The following DHX8 variants were observed in gnomAD, a reference collection of about 807,000 sequenced individuals.
The protein encoded by DHX8 is ATP-dependent RNA helicase DHX8.
Under a neutral mutation model 140.7 loss-of-function variants are expected in DHX8, and 67 were observed. That is an observed-to-expected ratio of 0.48 (90% confidence interval 0.39 to 0.58). DHX8 has a LOEUF of 0.58. Ranked by LOEUF, DHX8 falls within the 20% of genes least tolerant of loss-of-function variation. The probability of loss-of-function intolerance (pLI) is 0.00; values close to 1 mark genes in which losing one functional copy is unlikely to be tolerated. For synonymous variants in DHX8, 533 were observed against 553.2 expected (o/e 0.96, Z 0.51); for missense variants, 887 against 1,550.7 (o/e 0.57, Z 7.19).
At chr17:43,521,298 C>T in intron 20 of DHX8, 71 bp from the exon 21 acceptor site, 5 of 1,319,622 alleles carry the variant, frequency 3.8e-6, no homozygotes, top group South Asian at 1.4e-5. Flanking sequence ...TTGTAGGGCT[C>T]CCTAGAATTG....
chr17:43,515,336 A>G (rs1396417881), intron 17 of DHX8, among the ~76,000 whole-genome samples: 1 of 152,130 alleles, frequency 6.6e-6, no homozygotes, highest in Non-Finnish European at 1.5e-5. Context: ...CTACAGGCGC[A>G]TGCCGCCATG....
At position 43,524,028 on chromosome 17, in the gene DHX8, T is replaced by C. The variant is rs1175896310; in HGVS notation, c.*181T>C. 4 of 1,430,502 alleles carry C rather than the reference T, an allele frequency of 2.8e-6. No individual in the cohort carries two copies. Among genetic ancestry groups the C allele is most frequent in the Non-Finnish European group, 3.6e-6 (4 of 1,096,832 alleles). The allele number at this position is 1,430,502 out of a possible 1,614,324, so 88.6% of individuals were successfully genotyped here. On this transcript the variant is annotated 3_prime_UTR_variant, in exon 23 of 23. Transcript: ENST00000262415. ...AGAAACAGGGATTTAAACCTGGCTTTGGCAAGAGCCTGCAGCCTCCATCAC... is the reference window on the plus strand; with the variant it reads ...AGAAACAGGGATTTAAACCTGGCTTCGGCAAGAGCCTGCAGCCTCCATCAC...
In DHX8 at chr17:43,506,038, G is replaced by T. The variant is rs75140627; in HGVS notation, c.1729-965G>T. 6.2e-4 allele frequency among the ~76,000 whole-genome samples: 94 copies of T among 151,652 alleles called. No individual in the cohort carries two copies. The East Asian group carries it at 0.017, about 28-fold the overall frequency. On this transcript the variant is annotated intron_variant, in intron 12 of 22. Transcript: ENST00000262415. ...GTGTATGTGTGTGTGACAGAGTCTC[G>T]CTTTGTGCAGGCTGGAGTACAGTGG... is the stretch of plus-strand genomic sequence containing the variant.
At position 43,508,003 on chromosome 17, in the gene DHX8, TTTAACAG is replaced by T; in HGVS notation, c.2305_2311del (p.Leu769AsnfsTer10). 1.9e-6 allele frequency: 3 copies of T among 1,614,090 alleles called. No individual in the cohort carries two copies. Among genetic ancestry groups the T allele is most frequent in the Non-Finnish European group, 2.5e-6 (3 of 1,180,008 alleles). ...GCCTGATTACTGTTATGCAGATTCA[TTTAACAG>T]AACCACCAGGTAAGGGGAAAAAGCA... On this transcript the variant is annotated frameshift_variant, in exon 15 of 23. Transcript: ENST00000262415. LOFTEE classifies it high-confidence loss of function.
At chr17:43,492,074 C>T (rs545296988) in intron 4 of DHX8, 109 bp from the exon 5 acceptor site, 1 of 746,222 alleles carries the variant, frequency 1.3e-6, no homozygotes, top group Non-Finnish European at 2.3e-6. Flanking sequence ...ATCTCTGCCC[C>T]TCTTCTATTT....
intron 12 of DHX8, among the ~76,000 whole-genome samples, chr17:43,506,043 G>A (rs775705120): frequency 2.0e-5 from 3 of 151,920 alleles, no homozygotes; most frequent in African/African-American, 7.2e-5. Flanking sequence ...GTCTCGCTTT[G>A]TGCAGGCTGG....
chr17:43,517,024 T>C (rs1970148881), intron 17 of DHX8, 143 bp from the exon 18 acceptor site: 2 of 872,504 alleles, frequency 2.3e-6, no homozygotes, highest in Admixed American at 6.5e-5. Context: ...TTGGTAGTCT[T>C]GGAAATGGTC....
rs760753460 is a variant in DHX8, at chr17:43,520,309, C to G, written c.2937+42C>G. On this transcript the variant is annotated intron_variant, in intron 19 of 22. Transcript: ENST00000262415. Reference sequence around the variant, plus strand: ...ACTTCCTGTGCTTTTGGGAAGATTCCCTGGTCAGCCTTTCACATCCTTCGG... The same window carrying G: ...ACTTCCTGTGCTTTTGGGAAGATTCGCTGGTCAGCCTTTCACATCCTTCGG... 7 of 1,604,254 alleles carry G rather than the reference C, an allele frequency of 4.4e-6. No individual in the cohort carries two copies. The South Asian group carries it at 5.5e-5, about 13-fold the overall frequency.
intron 12 of DHX8, among the ~76,000 whole-genome samples, chr17:43,505,098 G>A (rs564759921): frequency 9.2e-5 from 14 of 152,012 alleles, no homozygotes; most frequent in Non-Finnish European, 1.9e-4. Context: ...GCAACATAGG[G>A]AATCTTGTCT....
At chr17:43,534,106 C>T (rs555968957) in intron 2 of DHX8, 1 of 1,113,814 alleles carries the variant, frequency 9.0e-7, no homozygotes, top group Non-Finnish European at 1.2e-6. Flanking sequence ...CCTTCCCTCT[C>T]TGGGTATCAA....
At chr17:43,520,981 T>C (rs1970348466) in intron 20 of DHX8, 102 bp downstream of exon 20, 4 of 1,309,534 alleles carry the variant, frequency 3.1e-6, no homozygotes, top group African/African-American at 1.5e-5. Context: ...TTTTTTTTTT[T>C]TTTTTTTGAG....
rs751733915 is a variant in DHX8 at position 43,493,751 on chromosome 17, T to G, written c.1077T>G (p.Asn359Lys). Residue 359 changes from asparagine (N) to lysine (K), a missense_variant, in exon 8 of 23, where the codon AAT (asparagine) becomes AAG (lysine). Physicochemically the swap from Asn to Lys is moderately conservative, Grantham distance 94. This residue lies in a region of DHX8 where 98 missense variants were observed against 152.7 expected (regional missense o/e 0.64). Transcript: ENST00000262415. ...GGCGAAATCTTGTCGGGGAGACCAA[T>G]GAGGAGACCTCAATGCGGAATCCTG... ...NRRRNLVGETNEETSMRNPDR... is the reference protein window; with the variant it reads ...NRRRNLVGETKEETSMRNPDR... 1 of 1,614,218 alleles carries G rather than the reference T, an allele frequency of 6.2e-7. No individual in the cohort carries two copies. Among genetic ancestry groups the G allele is most frequent in the Non-Finnish European group, 8.5e-7 (1 of 1,180,038 alleles).
chr17:43,536,588 C>T, intron 3 of DHX8: 1 of 892,506 alleles, frequency 1.1e-6, no homozygotes, highest in Non-Finnish European at 1.8e-6. Flanking sequence ...GGACCAACAG[C>T]CTTTAGATCA....
At chr17:43,540,242 C>A (rs1480751428) in intron 3 of DHX8, among the ~76,000 whole-genome samples, 1 of 152,192 alleles carries the variant, frequency 6.6e-6, no homozygotes, top group Non-Finnish European at 1.5e-5. Context: ...GATCTGAGGT[C>A]TGGAATTCTA....
intron 12 of DHX8, among the ~76,000 whole-genome samples, chr17:43,505,455 G>C (rs180989695): frequency 2.0e-5 from 3 of 152,012 alleles, no homozygotes; most frequent in African/African-American, 7.2e-5. Context: ...TGTAATCCCA[G>C]CTACTCGGGA....
chr17:43,488,099 G>A (rs1968279715), intron 1 of DHX8, among the ~76,000 whole-genome samples: 1 of 152,124 alleles, frequency 6.6e-6, no homozygotes, highest in Admixed American at 6.6e-5. Flanking sequence ...CCAATATGGT[G>A]AAATCCTGTC....
chr17:43,526,677 C>T, downstream of DHX8: 15 of 1,523,550 alleles, frequency 9.8e-6, no homozygotes, highest in Non-Finnish European at 1.2e-5. Flanking sequence ...TCTCAGCTAA[C>T]TCCCTCTCTC....
chr17:43,511,455 C>CTTTTTTTTTTTTTTTT (rs1279628229), intron 16 of DHX8, among the ~76,000 whole-genome samples: 7 of 6,586 alleles, frequency 1.1e-3, no homozygotes, highest in African/African-American at 2.8e-3. Context: ...GTGATCCCAG[C>CTTTTTTTTTTTTTTTT]ATTTTTTTTT....
At chr17:43,537,980 A>C (rs1395189175) in intron 3 of DHX8, among the ~76,000 whole-genome samples, 1 of 152,096 alleles carries the variant, frequency 6.6e-6, no homozygotes, top group Non-Finnish European at 1.5e-5. Context: ...TACAAAAAAA[A>C]TTAGCCGGGT....
Sources: gnomAD v4.1 joint callset for allele counts (sites outside exome capture counted in the v4.1 genomes callset) on GRCh38, gnomAD v4.1.1 for gene constraint, gnomAD v4.1.1 regional missense constraint, MANE v1.5 for transcripts, NCBI Gene and HGNC (gene_info 2026-07-23, HGNC 2026-07-21) for gene names.